Variants in KPNA7 observed in about 807,000 individuals in gnomAD.
KPNA7 encodes importin subunit alpha-8.
Under a neutral mutation model 53.7 loss-of-function variants are expected in KPNA7, and 54 were observed. The ratio of observed to expected loss-of-function variants is 1.01; its 90% CI spans 0.81 to 1.26. The LOEUF is 1.26. KPNA7 is among the 50% of genes most tolerant of loss of function. KPNA7 has a pLI of 0.00. For missense variants in KPNA7, 640 were observed against 644.5 expected, an observed-to-expected ratio of 0.99 and a Z score of 0.07; for synonymous variants, 276 against 259.3, an observed-to-expected ratio of 1.06 and a Z score of -0.62.
At chr7:99,204,431 ACT>A (rs1270171928) in intron 2 of KPNA7, among the ~76,000 whole-genome samples, 2 of 152,054 alleles carry the variant, frequency 1.3e-5, no homozygotes, top group African/African-American at 4.8e-5. Context: ...TCAGTTAATG[ACT>A]CAAACTTTAT....
downstream of KPNA7, among the ~76,000 whole-genome samples, chr7:99,171,339 G>A (rs746581946): frequency 4.6e-5 from 7 of 152,218 alleles, no homozygotes; most frequent in East Asian, 3.8e-4. Flanking sequence ...AGTGGCTCAC[G>A]CCTGTAATCC....
intron 5 of KPNA7, 73 bp from the exon 6 acceptor site, chr7:99,193,174 A>T: frequency 1.1e-6 from 1 of 939,312 alleles, no homozygotes. Flanking sequence ...TAATTTTTTA[A>T]GAGTGTGCAA....
rs1790075123 is a variant in KPNA7, at chr7:99,193,630, C to A, written c.554-529G>T. 2.6e-5 allele frequency among the ~76,000 whole-genome samples: 4 copies of A among 152,152 alleles called. No individual in the cohort carries two copies. In the South Asian group the frequency reaches 6.2e-4, roughly 24 times the overall value. On this transcript the variant is annotated intron_variant, in intron 5 of 10. Coordinates refer to ENST00000327442, the MANE Select transcript of KPNA7 (RefSeq NM_001145715.3). ...TTACTGCACCAAGCAAAATGAGAGA[C>A]AACTTCTCTAATAGGCACTTTTTCC...
downstream of KPNA7, among the ~76,000 whole-genome samples, chr7:99,172,024 C>A (rs913144239): frequency 3.9e-5 from 6 of 152,004 alleles, no homozygotes; most frequent in African/African-American, 1.4e-4. Flanking sequence ...ATGAGGTAAA[C>A]CCAAGGAAAA....
chr7:99,153,877 A>G, the KPNA7 span, among the ~76,000 whole-genome samples: 2 of 151,978 alleles, frequency 1.3e-5, no homozygotes, highest in Non-Finnish European at 2.9e-5. Flanking sequence ...TGGGAGGCTG[A>G]GGTGGGAGGA....
At chr7:99,209,610 G>A (rs1304540272), upstream of KPNA7, among the ~76,000 whole-genome samples, 3 of 143,802 alleles carry the variant, frequency 2.1e-5, no homozygotes, top group East Asian at 4.0e-4. Flanking sequence ...TTGAACCCAG[G>A]GGGCGGAGGT....
intron 10 of KPNA7, among the ~76,000 whole-genome samples, chr7:99,174,029 C>T (rs532104673): frequency 6.6e-6 from 1 of 152,300 alleles, no homozygotes; most frequent in African/African-American, 2.4e-5. Context: ...GGGTCCCCAA[C>T]CCCGCATCCG....
chr7:99,161,140 G>T, the KPNA7 span, among the ~76,000 whole-genome samples: 1 of 152,156 alleles, frequency 6.6e-6, no homozygotes, highest in African/African-American at 2.4e-5. Flanking sequence ...GGGATTACAG[G>T]CGTGAGCCAC....
intron 6 of KPNA7, among the ~76,000 whole-genome samples, chr7:99,192,321 C>G (rs995661287): frequency 6.6e-6 from 1 of 152,182 alleles, no homozygotes; most frequent in African/African-American, 2.4e-5. Context: ...AGGCCTCTTC[C>G]AATGCCGCAA....
chr7:99,201,779 A>G (rs13221427), intron 3 of KPNA7, among the ~76,000 whole-genome samples: 12,018 of 151,744 alleles, frequency 0.079, 510 homozygotes, highest in South Asian at 0.15. Context: ...CACGATCTTG[A>G]CTTAGTGCCA....
upstream of KPNA7, among the ~76,000 whole-genome samples, chr7:99,209,682 CAAAAAAAAAAA>C (rs60377276): frequency 2.6e-4 from 19 of 73,532 alleles, no homozygotes; most frequent in East Asian, 5.6e-3. Flanking sequence ...GACTCCAACT[CAAAAAAAAAAA>C]AAAAAAAAAA....
intron 6 of KPNA7, among the ~76,000 whole-genome samples, chr7:99,191,835 A>G (rs1387491834): frequency 1.3e-5 from 2 of 152,046 alleles, no homozygotes; most frequent in Non-Finnish European, 2.9e-5. Flanking sequence ...TTTTTAGTAG[A>G]GATAGGATTT....
At chr7:99,161,498 G>A in the KPNA7 span, among the ~76,000 whole-genome samples, 1 of 152,148 alleles carries the variant, frequency 6.6e-6, no homozygotes, top group African/African-American at 2.4e-5. Flanking sequence ...AAAAGACCTT[G>A]AGAGCCAGAA....
At chr7:99,215,369 CAAAAAAAA>C (rs533680824) in intron 1 of KPNA7, among the ~76,000 whole-genome samples, 14 of 52,056 alleles carry the variant, frequency 2.7e-4, no homozygotes, top group East Asian at 8.5e-4. Flanking sequence ...GAGACTGTCT[CAAAAAAAA>C]AAAAAAAAAA....
At position 99,193,041 on chromosome 7, in the gene KPNA7, G is replaced by T; in HGVS notation, c.614C>A (p.Ala205Asp). Residue 205 changes from alanine (A) to aspartate (D), a missense_variant, in exon 6 of 11, where the codon GCC becomes GAC. Coordinates refer to ENST00000327442, the MANE Select transcript of KPNA7 (RefSeq NM_001145715.3). ...TACCGGCAGGGTGGGTGAAATCAAGGCTAGGAGATGTGGGATGGCATTGCT... is the reference window on the plus strand; with the variant it reads ...TACCGGCAGGGTGGGTGAAATCAAGTCTAGGAGATGTGGGATGGCATTGCT... ...ITSNAIPHLL[A>D]LISPTLPITF... 6.6e-7 allele frequency: 1 copy of T among 1,509,526 alleles called. No homozygotes were observed. The highest frequency in any genetic ancestry group is 8.8e-7 in the Non-Finnish European group (1 of 1,131,486). 93.5% of individuals were successfully genotyped at this position (1,509,526 alleles called of 1,614,324 possible). A position where few individuals can be genotyped will look rare whatever the true frequency, so the allele number is the denominator to read the frequency against.
At chr7:99,178,750 T>C (rs1799021383) in intron 9 of KPNA7, among the ~76,000 whole-genome samples, 1 of 120,576 alleles carries the variant, frequency 8.3e-6, no homozygotes, top group Non-Finnish European at 1.6e-5. Flanking sequence ...GCCACTGCAT[T>C]TGGCCCAAAT....
downstream of KPNA7, among the ~76,000 whole-genome samples, chr7:99,170,900 C>T (rs1798759164): frequency 6.6e-6 from 1 of 152,134 alleles, no homozygotes; most frequent in Non-Finnish European, 1.5e-5. Flanking sequence ...AGTTTCCAGT[C>T]TAGAACACTT....
chr7:99,149,146 G>T, the KPNA7 span, among the ~76,000 whole-genome samples: 1 of 151,776 alleles, frequency 6.6e-6, no homozygotes, highest in South Asian at 2.1e-4. Context: ...CAAGTGATCC[G>T]CCTGCCTCTG....
chr7:99,171,944 A>G (rs1305117163), downstream of KPNA7, among the ~76,000 whole-genome samples: 3 of 152,216 alleles, frequency 2.0e-5, no homozygotes, highest in Admixed American at 6.6e-5. Context: ...GGTGTGGATG[A>G]CAAGCATGTT....
Sources: allele counts gnomAD v4.1 joint callset (sites outside exome capture counted in the v4.1 genomes callset), GRCh38; gene constraint gnomAD v4.1.1; transcripts MANE v1.5; gene names NCBI Gene and HGNC (gene_info 2026-07-23, HGNC 2026-07-21).